Variants in CAST observed in about 807,000 individuals in gnomAD.
CAST encodes MIR583 host.
In CAST, 76 loss-of-function variants were observed where a neutral mutation model predicts 119.6. The ratio of observed to expected loss-of-function variants is 0.64; its 90% CI spans 0.53 to 0.77. The LOEUF (loss-of-function observed/expected upper bound fraction) is 0.77. Among genes scored for constraint, CAST ranks in the 30% least tolerant of loss-of-function variants. CAST has a pLI of 0.00. For synonymous variants in CAST, 319 were observed against 331.6 expected (o/e 0.96, Z 0.41); for missense variants, 953 against 946.5 (o/e 1.01, Z -0.09).
At chr5:96,731,971 A>G (rs1247467766) in intron 9 of CAST, among the ~76,000 whole-genome samples, 1 of 152,150 alleles carries the variant, frequency 6.6e-6, no homozygotes, top group Non-Finnish European at 1.5e-5. Flanking sequence ...ATACTTGTGC[A>G]TGTGTCTTTA....
At chr5:96,418,758 G>C in the CAST span, among the ~76,000 whole-genome samples, 6 of 152,150 alleles carry the variant, frequency 3.9e-5, no homozygotes, top group Non-Finnish European at 8.8e-5. Context: ...TATACCTTCT[G>C]ATAAATGATA....
the CAST span, among the ~76,000 whole-genome samples, chr5:96,029,360 T>C: frequency 6.6e-6 from 1 of 152,132 alleles, no homozygotes; most frequent in African/African-American, 2.4e-5. Flanking sequence ...ACTTTGGCTA[T>C]ATCACTTTCA....
chr5:96,347,032 C>T, the CAST span, among the ~76,000 whole-genome samples: 7 of 152,078 alleles, frequency 4.6e-5, no homozygotes, highest in Admixed American at 3.3e-4. Context: ...ATCTTTCAGA[C>T]GGGTTTCAGC....
At chr5:96,325,128 C>T in the CAST span, among the ~76,000 whole-genome samples, 2 of 151,882 alleles carry the variant, frequency 1.3e-5, no homozygotes, top group South Asian at 4.2e-4. Context: ...TTCTTGGGCC[C>T]GGGAGGTAGA....
At chr5:96,396,588 C>T in the CAST span, among the ~76,000 whole-genome samples, 7 of 151,006 alleles carry the variant, frequency 4.6e-5, no homozygotes, top group South Asian at 4.2e-4. Flanking sequence ...GTTATTTAGG[C>T]GTATAATTCT....
the CAST span, among the ~76,000 whole-genome samples, chr5:96,444,574 AT>A: frequency 2.0e-5 from 3 of 151,770 alleles, no homozygotes; most frequent in East Asian, 1.9e-4. Context: ...ATTTCTGAAA[AT>A]TTTTTCTCAA....
At chr5:96,052,003 G>A in the CAST span, among the ~76,000 whole-genome samples, 9 of 152,050 alleles carry the variant, frequency 5.9e-5, no homozygotes, top group Non-Finnish European at 1.2e-4. Context: ...ATTTAGGATC[G>A]TGCTTACTCA....
chr5:95,968,957 T>C, the CAST span, among the ~76,000 whole-genome samples: 4 of 152,172 alleles, frequency 2.6e-5, no homozygotes, highest in South Asian at 4.1e-4. Flanking sequence ...GGAGGAGTTA[T>C]GGATTGTGAG....
chr5:96,083,728 G>T, the CAST span, among the ~76,000 whole-genome samples: 2 of 152,298 alleles, frequency 1.3e-5, no homozygotes, highest in East Asian at 3.9e-4. Flanking sequence ...GATGTTTTTA[G>T]ATTTTTGACA....
At chr5:96,474,420 T>C in the CAST span, among the ~76,000 whole-genome samples, 1 of 145,924 alleles carries the variant, frequency 6.9e-6, no homozygotes, top group African/African-American at 2.5e-5. Context: ...TGAGCAACAG[T>C]GTCTAATGAT....
At chr5:96,602,180 G>GTTGA (rs766160656) in intron 1 of CAST, among the ~76,000 whole-genome samples, 1 of 152,198 alleles carries the variant, frequency 6.6e-6, no homozygotes, top group Non-Finnish European at 1.5e-5. Flanking sequence ...GCAAAGGATG[G>GTTGA]TTGAGGACGG....
chr5:96,693,263 C>T (rs528919824), intron 2 of CAST, among the ~76,000 whole-genome samples: 2 of 152,244 alleles, frequency 1.3e-5, no homozygotes, highest in East Asian at 1.9e-4. Context: ...AGGGAGCCTC[C>T]GTTAAGTTAA....
chr5:96,412,525 T>C, the CAST span: 3 of 1,586,494 alleles, frequency 1.9e-6, no homozygotes, highest in South Asian at 2.2e-5. Context: ...ACACAAAGGT[T>C]GATGTCAGTA....
the CAST span, among the ~76,000 whole-genome samples, chr5:96,357,638 GA>G: frequency 2.9e-3 from 442 of 152,288 alleles, 2 homozygotes; most frequent in African/African-American, 0.01. Context: ...TACATGTATT[GA>G]TTTGCGTATG....
At chr5:96,374,157 C>T in the CAST span, among the ~76,000 whole-genome samples, 1,735 of 152,224 alleles carry the variant, frequency 0.011, 32 homozygotes, top group African/African-American at 0.039. Context: ...GGGGAAAAGA[C>T]GAGTTTCCAT....
At chr5:96,244,301 A>G in the CAST span, among the ~76,000 whole-genome samples, 4 of 152,350 alleles carry the variant, frequency 2.6e-5, no homozygotes, top group African/African-American at 9.6e-5. Context: ...AAACATTGCA[A>G]TTAAGTAATA....
chr5:96,677,265 A>T (rs1032924199), intron 2 of CAST, among the ~76,000 whole-genome samples: 2 of 152,200 alleles, frequency 1.3e-5, no homozygotes, highest in Admixed American at 1.3e-4. Context: ...TATTTGCCTA[A>T]AAAGGAAGTT....
At chr5:96,466,736 T>A in the CAST span, among the ~76,000 whole-genome samples, 1 of 152,140 alleles carries the variant, frequency 6.6e-6, no homozygotes, top group African/African-American at 2.4e-5. Context: ...TACTCCATAA[T>A]TTATCCAACT....
chr5:96,007,316 T>C, the CAST span, among the ~76,000 whole-genome samples: 4 of 152,242 alleles, frequency 2.6e-5, no homozygotes, highest in Admixed American at 1.3e-4. Context: ...AGAATAATGC[T>C]ATTTCTGGGT....
Sources: gnomAD v4.1 joint callset for allele counts (sites outside exome capture counted in the v4.1 genomes callset) on GRCh38, gnomAD v4.1.1 for gene constraint, MANE v1.5 for transcripts, NCBI Gene and HGNC (gene_info 2026-07-23, HGNC 2026-07-21) for gene names.